Variants in SENP7 observed in about 807,000 individuals in gnomAD.
SENP7 encodes sentrin-specific protease 7.
In SENP7, 64 loss-of-function variants were observed where a neutral mutation model predicts 141.2. The observed-to-expected ratio is 0.45, with a 90% CI of 0.37 to 0.56. SENP7 has a LOEUF of 0.56. Ranked by LOEUF, SENP7 falls within the 20% of genes least tolerant of loss-of-function variation. The pLI is 0.00. For missense variants in SENP7, 1,025 were observed against 1,212.2 expected (o/e 0.85, Z 2.29); for synonymous variants, 382 against 426.4 (o/e 0.90, Z 1.28).
intron 1 of SENP7, among the ~76,000 whole-genome samples, chr3:101,502,306 GTTTTGTTTTGT>G (rs896959168): frequency 6.6e-6 from 1 of 152,044 alleles, no homozygotes; most frequent in Non-Finnish European, 1.5e-5. Flanking sequence ...TTTTTGTTTT[GTTTTGTTTTGT>G]TTTTGAGATG....
At chr3:101,366,820 T>A in intron 8 of SENP7, 51 bp from the exon 9 acceptor site, 2 of 1,222,194 alleles carry the variant, frequency 1.6e-6, no homozygotes, top group Non-Finnish European at 2.3e-6. Context: ...TTGGCTTGCT[T>A]AAACCATTTT....
intron 3 of SENP7, among the ~76,000 whole-genome samples, chr3:101,486,908 T>C (rs2064752958): frequency 6.6e-6 from 1 of 152,000 alleles, no homozygotes; most frequent in African/African-American, 2.4e-5. Flanking sequence ...AAACTTAAGG[T>C]AAAGGGGTGG....
chr3:101,337,747 T>C (rs2059223447), intron 16 of SENP7, 116 bp from the exon 17 acceptor site: 1 of 904,684 alleles, frequency 1.1e-6, no homozygotes. Flanking sequence ...TTCAAAGCAA[T>C]CTTGCAGTTT....
chr3:101,399,789 G>A (rs933999730), intron 5 of SENP7, among the ~76,000 whole-genome samples: 1 of 152,024 alleles, frequency 6.6e-6, no homozygotes, highest in Admixed American at 6.6e-5. Flanking sequence ...CCACGCCCAG[G>A]TAACTTTTTT....
intron 4 of SENP7, among the ~76,000 whole-genome samples, chr3:101,449,784 A>G (rs1408423307): frequency 6.6e-6 from 1 of 152,196 alleles, no homozygotes. Context: ...TATAAAGACC[A>G]TCGAGGCTAG....
chr3:101,494,410 G>GA (rs1180834620), intron 2 of SENP7, among the ~76,000 whole-genome samples: 5 of 151,922 alleles, frequency 3.3e-5, no homozygotes, highest in African/African-American at 1.2e-4. Flanking sequence ...CAACCACAAT[G>GA]AATGAAATCA....
At chr3:101,336,899 A>G (rs939732789) in intron 17 of SENP7, among the ~76,000 whole-genome samples, 6 of 152,242 alleles carry the variant, frequency 3.9e-5, no homozygotes, top group African/African-American at 1.4e-4. Flanking sequence ...CGTATAATGT[A>G]GCATAGGTTT....
chr3:101,459,124 T>G, intron 3 of SENP7, 72 bp from the exon 4 acceptor site: 2 of 823,266 alleles, frequency 2.4e-6, no homozygotes, highest in Non-Finnish European at 3.8e-6. Context: ...CTGTTCTTTT[T>G]TATTTGGAAA....
At chr3:101,483,778 T>C (rs576258798) in intron 3 of SENP7, among the ~76,000 whole-genome samples, 1 of 152,262 alleles carries the variant, frequency 6.6e-6, no homozygotes, top group Admixed American at 6.5e-5. Context: ...TCCCAGCAGT[T>C]TGGGAGGCCG....
chr3:101,384,749 C>T (rs2060604684), intron 6 of SENP7, among the ~76,000 whole-genome samples: 1 of 152,232 alleles, frequency 6.6e-6, no homozygotes, highest in Non-Finnish European at 1.5e-5. Context: ...GTGGGCAGAA[C>T]AAGCCCAGCA....
chr3:101,424,086 C>A (rs1375175511), intron 4 of SENP7, among the ~76,000 whole-genome samples: 1 of 152,076 alleles, frequency 6.6e-6, no homozygotes, highest in Non-Finnish European at 1.5e-5. Context: ...GGTTGTCTTG[C>A]CTATCAAACA....
intron 23 of SENP7, among the ~76,000 whole-genome samples, chr3:101,326,368 T>C (rs1481818051): frequency 6.6e-6 from 1 of 152,050 alleles, no homozygotes; most frequent in East Asian, 1.9e-4. Flanking sequence ...ATAATAGATA[T>C]TTAATGATTT....
At chr3:101,507,691 G>A (rs1291603752) in intron 1 of SENP7, among the ~76,000 whole-genome samples, 1 of 151,664 alleles carries the variant, frequency 6.6e-6, no homozygotes, top group Non-Finnish European at 1.5e-5. Flanking sequence ...CTTCCCCACC[G>A]CCACCATCTC....
upstream of SENP7, chr3:101,513,212 G>GAAAAA (rs1254138448): frequency 5.9e-3 from 803 of 135,864 alleles, 184 homozygotes; most frequent in East Asian, 0.015. Flanking sequence ...GGAGGGGAAA[G>GAAAAA]GAAAAAAAAA....
intron 6 of SENP7, among the ~76,000 whole-genome samples, chr3:101,391,717 A>C (rs369407516): frequency 6.6e-6 from 1 of 152,182 alleles, no homozygotes; most frequent in South Asian, 2.1e-4. Flanking sequence ...AAGAGGAGGA[A>C]ATTTTATCTA....
At chr3:101,423,266 A>G (rs1334517739) in intron 4 of SENP7, among the ~76,000 whole-genome samples, 1 of 152,224 alleles carries the variant, frequency 6.6e-6, no homozygotes, top group Non-Finnish European at 1.5e-5. Context: ...TATCCTAGAG[A>G]AGATTTCTTA....
At chr3:101,387,923 GAGTACAAGCCT>G (rs1457281261) in intron 6 of SENP7, among the ~76,000 whole-genome samples, 1 of 152,188 alleles carries the variant, frequency 6.6e-6, no homozygotes, top group Non-Finnish European at 1.5e-5. Context: ...CTGGCGGACT[GAGTACAAGCCT>G]ACCTGACATG....
At chr3:101,510,619 G>A (rs111618655) in intron 1 of SENP7, among the ~76,000 whole-genome samples, 3 of 152,026 alleles carry the variant, frequency 2.0e-5, no homozygotes, top group African/African-American at 4.8e-5. Context: ...TTGGGAGGCC[G>A]AGGCAAGTGG....
chr3:101,347,721 C>CA (rs11389959), intron 13 of SENP7, 151 bp downstream of exon 13: 96,351 of 273,962 alleles, frequency 0.35, 10,021 homozygotes, highest in Admixed American at 0.52. Context: ...GACTCCATCT[C>CA]AAAAAAAAAA....
Sources: allele counts gnomAD v4.1 joint callset (sites outside exome capture counted in the v4.1 genomes callset), GRCh38; gene constraint gnomAD v4.1.1; transcripts MANE v1.5; gene names NCBI Gene and HGNC (gene_info 2026-07-23, HGNC 2026-07-21).